ZNF236: variants seen among roughly 807,000 people sequenced by gnomAD.
ZNF236 encodes the protein zinc finger protein 236.
In ZNF236, 50 loss-of-function variants were observed where a neutral mutation model predicts 191.2. The ratio of observed to expected loss-of-function variants is 0.26; its 90% CI spans 0.21 to 0.33. ZNF236 has a LOEUF of 0.33. ZNF236 is among the 10% of genes least tolerant of loss of function. ZNF236 has a pLI of 1.00. For synonymous variants in ZNF236, 907 were observed against 928.8 expected (o/e 0.98, Z 0.43); for missense variants, 1,754 against 2,374.5 (o/e 0.74, Z 5.43).
At position 76,971,358 on chromosome 18, in the gene ZNF236, G is replaced by A. The variant is rs143205466; in HGVS notation, c.*3019G>A. On this transcript the variant is annotated 3_prime_UTR_variant, in exon 31 of 31. Transcript: ENST00000320610. ...AGTATCTAAATAGAGGAAATGCTAT[G>A]ACATGGCATCTGACAGCTTGCAGCC... 7.0e-3 allele frequency among the ~76,000 whole-genome samples: 1,061 copies of A among 152,294 alleles called. 10 individuals carry two copies. The highest frequency in any genetic ancestry group is 0.024 in the African/African-American group (1,010 of 41,544).
At position 76,956,143 on chromosome 18, in the gene ZNF236, C is replaced by T. The variant is rs769063564; in HGVS notation, c.5073C>T (p.Pro1691=). The change falls in exon 28 of 31, where the codon CCC becomes CCT. Residue 1691 remains proline (P), a synonymous_variant. Coordinates refer to ENST00000320610, the MANE Select transcript of ZNF236 (RefSeq NM_001306089.2). ...GCCGGGAGCGCATCCACGGCTGCCCCGTGTGCAGGAAGGCCTTCAAGCGCG... is the reference window on the plus strand; with the variant it reads ...GCCGGGAGCGCATCCACGGCTGCCCTGTGTGCAGGAAGGCCTTCAAGCGCG... ...VHGRERIHGC[P]VCRKAFKRAT... 1.1e-5 allele frequency: 17 copies of T among 1,564,208 alleles called. No homozygotes were observed. Among genetic ancestry groups the T allele is most frequent in the Non-Finnish European group, 8.7e-6 (10 of 1,155,638 alleles).
At chr18:76,846,932 T>C (rs1033927126) in intron 1 of ZNF236, among the ~76,000 whole-genome samples, 2 of 152,122 alleles carry the variant, frequency 1.3e-5, no homozygotes, top group Admixed American at 1.3e-4. Context: ...GTAGCTGGGA[T>C]TACAGGCGTG....
At chr18:76,888,402 T>TA (rs1977124828) in intron 9 of ZNF236, 1 of 152,384 alleles carries the variant, frequency 6.6e-6, no homozygotes, top group South Asian at 2.1e-4. Context: ...TGCAGTGAGA[T>TA]ATTCTGTAAC....
intron 19 of ZNF236, among the ~76,000 whole-genome samples, chr18:76,916,336 G>A (rs2122787961): frequency 6.6e-6 from 1 of 152,324 alleles, no homozygotes; most frequent in East Asian, 1.9e-4. Context: ...GTTGATGGAT[G>A]TGCAGCTAGT....
chr18:76,836,249 C>T (rs1461215219), intron 1 of ZNF236, among the ~76,000 whole-genome samples: 1 of 151,968 alleles, frequency 6.6e-6, no homozygotes. Flanking sequence ...CAGTGTCTCA[C>T]TCTTTCAGTT....
chr18:76,957,057 G>T (rs886406795), intron 28 of ZNF236, among the ~76,000 whole-genome samples: 2 of 152,178 alleles, frequency 1.3e-5, no homozygotes, highest in Non-Finnish European at 2.9e-5. Context: ...ACCAGCCATG[G>T]CCAGGCCACG....
intron 1 of ZNF236, among the ~76,000 whole-genome samples, chr18:76,839,477 T>C (rs1343515733): frequency 1.3e-5 from 2 of 152,266 alleles, no homozygotes; most frequent in African/African-American, 4.8e-5. Flanking sequence ...ATTATATAAC[T>C]TGGATCTTAA....
rs376649509 is a variant in ZNF236 at position 76,871,752 on chromosome 18, G to A, written c.594G>A (p.Thr198=). ...GGAATATCGACAGAAGTGGATTCAC[G>A]TATTCGTGTCCGCACTGTGGAAAGA... The part of the protein sequence containing the change: ...YNRNIDRSGF[T]YSCPHCGKTF... Residue 198 remains threonine, a synonymous_variant, in exon 5 of 31, where the codon ACG becomes ACA. Transcript: ENST00000320610. 3.7e-5 allele frequency: 60 copies of A among 1,614,158 alleles called. No homozygotes were observed. Among genetic ancestry groups the A allele is most frequent in the Admixed American group, 3.7e-4 (22 of 60,016 alleles).
chr18:76,955,328 G>T (rs1968497364), intron 27 of ZNF236, among the ~76,000 whole-genome samples: 1 of 152,210 alleles, frequency 6.6e-6, no homozygotes, highest in Non-Finnish European at 1.5e-5. Flanking sequence ...GGGGTGGGAG[G>T]ATTGCTTGAG....
Position 76,925,432 on chromosome 18 carries a change from ACTC to A in ZNF236, c.3912_3914del (p.Ser1305del), listed in dbSNP as rs1190046229. Reference sequence around the variant, plus strand: ...GGACTGCAGCCTGTAAACCTCCTCAACTCCTCCTCTACTGACCCAAACGTGTTT... The same window carrying A: ...GGACTGCAGCCTGTAAACCTCCTCAACTCCTCTACTGACCCAAACGTGTTT... On this transcript the variant is annotated inframe_deletion, in exon 22 of 31. Coordinates refer to ENST00000320610, the MANE Select transcript of ZNF236 (RefSeq NM_001306089.2). This position sits in a 1 kb window ranked among gnomAD's most constrained non-coding sequence, Gnocchi z 5.7. 3.1e-6 allele frequency: 5 copies of A among 1,613,430 alleles called. No homozygotes were observed. The highest frequency in any genetic ancestry group is 4.2e-6 in the Non-Finnish European group (5 of 1,179,898).
intron 3 of ZNF236, 121 bp from the exon 4 acceptor site, chr18:76,868,564 C>G (rs12964065): frequency 1.4e-6 from 1 of 725,092 alleles, no homozygotes; most frequent in Non-Finnish European, 2.1e-6. Context: ...AGATCAAAAT[C>G]AAGATTAGAG....
Position 76,880,399 on chromosome 18 carries a change from C to T in ZNF236, c.1188+83C>T. On this transcript the variant is annotated intron_variant, in intron 8 of 30. Coordinates refer to ENST00000320610, the MANE Select transcript of ZNF236 (RefSeq NM_001306089.2). The surrounding 1 kb of genome is among the most constrained non-coding windows in gnomAD (Gnocchi z 5.0). ...GGGATGATAATTGAGAATAAATCTG[C>T]AGGGCTTGTCAAAGTCAGGGTATCC... is the stretch of plus-strand genomic sequence containing the variant. The T allele has an allele frequency of 7.3e-7, 1 of 1,374,996 alleles. No individual in the cohort carries two copies. The highest frequency in any genetic ancestry group is 9.7e-7 in the Non-Finnish European group (1 of 1,027,470). 85.2% of individuals were successfully genotyped at this position (1,374,996 alleles called of 1,614,324 possible).
intron 28 of ZNF236, 51 bp downstream of exon 28, chr18:76,956,233 A>G: frequency 3.9e-6 from 6 of 1,532,930 alleles, no homozygotes; most frequent in Non-Finnish European, 5.2e-6. Flanking sequence ...GCGGCTAGAG[A>G]TGCGGAGTCC....
At chr18:76,866,656 A>G (rs944592877) in intron 3 of ZNF236, among the ~76,000 whole-genome samples, 6 of 152,174 alleles carry the variant, frequency 3.9e-5, no homozygotes, top group Non-Finnish European at 7.3e-5. Context: ...ACTTAGCATC[A>G]TGAGAATTAC....
At chr18:76,881,816 C>T (rs1227506161) in intron 9 of ZNF236, among the ~76,000 whole-genome samples, 1 of 152,214 alleles carries the variant, frequency 6.6e-6, no homozygotes, top group African/African-American at 2.4e-5. Flanking sequence ...ACTGTTCTCT[C>T]TCTGCCCTGC....
chr18:76,959,810 C>T lies in ZNF236; in HGVS notation c.5236C>T (p.His1746Tyr). ...PSQLERHSRI[H>Y]TGERPFHCTL... ...CCAGCTGGAGCGCCACAGCCGCATA[C>T]ATACAGGTAACGGGGAAGGACGTGC... The change falls in exon 29 of 31, where the codon CAT becomes TAT. Residue 1746 changes from histidine (H) to tyrosine (Y), a missense_variant. Physicochemically the swap from His to Tyr is moderately conservative, Grantham distance 83. Around this residue, in one of 5 missense-constraint regions of ZNF236, gnomAD observed 606 missense variants for 761.5 expected, o/e 0.80. Transcript: ENST00000320610. 6.2e-7 allele frequency: 1 copy of T among 1,613,938 alleles called. No homozygotes were observed. Among genetic ancestry groups the T allele is most frequent in the Non-Finnish European group, 8.5e-7 (1 of 1,179,912 alleles).
chr18:76,834,471 CT>C, intron 1 of ZNF236: 2 of 397,658 alleles, frequency 5.0e-6, no homozygotes, highest in South Asian at 2.4e-5. Flanking sequence ...TATATTTGCC[CT>C]TTTACTTTTC....
chr18:76,947,042 C>T (rs1307568711), intron 26 of ZNF236, among the ~76,000 whole-genome samples: 6 of 152,152 alleles, frequency 3.9e-5, no homozygotes, highest in South Asian at 2.1e-4. Context: ...CCCCGACCCC[C>T]GGCCCACCCT....
At chr18:76,944,547 G>A (rs564273806) in intron 26 of ZNF236, among the ~76,000 whole-genome samples, 4 of 152,196 alleles carry the variant, frequency 2.6e-5, no homozygotes, top group South Asian at 2.1e-4. Flanking sequence ...ATCGCAGGCC[G>A]AGGCGGGTGG....
Sources: allele counts gnomAD v4.1 joint callset (sites outside exome capture counted in the v4.1 genomes callset), GRCh38; gene constraint gnomAD v4.1.1; regional missense constraint gnomAD v4.1.1; non-coding constraint Gnocchi (gnomAD v3.1); transcripts MANE v1.5; gene names NCBI Gene and HGNC (gene_info 2026-07-23, HGNC 2026-07-21).